Variants in PSMA8 observed in about 807,000 individuals in gnomAD.
PSMA8 encodes proteasome 20S subunit alpha 8.
PSMA8 carries 18 observed loss-of-function variants against 32.4 expected under a neutral mutation model. The ratio of observed to expected loss-of-function variants is 0.56; its 90% CI spans 0.38 to 0.82. The LOEUF is 0.82. Ranked by LOEUF, PSMA8 falls within the 40% of genes least tolerant of loss-of-function variation. The pLI is 0.00. For synonymous variants in PSMA8, 104 were observed against 98.1 expected, an observed-to-expected ratio of 1.06 and a Z score of -0.36; for missense variants, 298 against 300.7, an observed-to-expected ratio of 0.99 and a Z score of 0.07.
At chr18:26,166,075 C>G (rs567290163) in intron 4 of PSMA8, among the ~76,000 whole-genome samples, 2 of 152,100 alleles carry the variant, frequency 1.3e-5, no homozygotes, top group Admixed American at 1.3e-4. Flanking sequence ...GCATTCCAGC[C>G]TGGGCAACAG....
intron 2 of PSMA8, among the ~76,000 whole-genome samples, chr18:26,151,085 T>C (rs1338039133): frequency 6.6e-6 from 1 of 152,210 alleles, no homozygotes; most frequent in Non-Finnish European, 1.5e-5. Flanking sequence ...ATATTCATAT[T>C]AACTATCTTC....
chr18:26,143,678 T>G (rs1023027162), intron 1 of PSMA8, among the ~76,000 whole-genome samples: 1 of 152,176 alleles, frequency 6.6e-6, no homozygotes, highest in Non-Finnish European at 1.5e-5. Context: ...CCACTATGAC[T>G]GCTGTCACTC....
intron 1 of PSMA8, among the ~76,000 whole-genome samples, chr18:26,138,217 A>G (rs2054927954): frequency 6.6e-6 from 1 of 152,188 alleles, no homozygotes; most frequent in South Asian, 2.1e-4. Flanking sequence ...CCAACAACAG[A>G]GATACTCACA....
chr18:26,191,394 T>G (rs980348582), intron 6 of PSMA8, among the ~76,000 whole-genome samples: 45 of 152,130 alleles, frequency 3.0e-4, no homozygotes, highest in African/African-American at 1.1e-3. Flanking sequence ...TTTGGGAGGC[T>G]GAGGCGGGCA....
At chr18:26,190,409 T>C (rs910556505) in intron 6 of PSMA8, among the ~76,000 whole-genome samples, 6 of 152,116 alleles carry the variant, frequency 3.9e-5, no homozygotes, top group African/African-American at 7.2e-5. Flanking sequence ...CCCCATAATA[T>C]ATATACCTAC....
chr18:26,148,753 T>C (rs1224258804), intron 2 of PSMA8, among the ~76,000 whole-genome samples: 2 of 152,210 alleles, frequency 1.3e-5, no homozygotes, highest in Non-Finnish European at 2.9e-5. Flanking sequence ...TGATCTTATA[T>C]AGAATACTAA....
intron 4 of PSMA8, among the ~76,000 whole-genome samples, chr18:26,171,540 C>G (rs1336945576): frequency 6.6e-6 from 1 of 152,158 alleles, no homozygotes; most frequent in Non-Finnish European, 1.5e-5. Flanking sequence ...TTGAGACCAG[C>G]CTGGCCAACA....
At position 26,144,549 on chromosome 18, in the gene PSMA8, G is replaced by T; in HGVS notation, c.103-10G>T. ...CATCTGAATATATATGTATTTTAAT[G>T]ACTTGACAGGTCGGAATTCGAGGTA... On this transcript the variant is annotated splice_polypyrimidine_tract_variant and intron_variant, in intron 1 of 6. Transcript: ENST00000415576. 2 of 1,608,430 alleles carry T rather than the reference G, an allele frequency of 1.2e-6. No individual in the cohort carries two copies. The highest frequency in any genetic ancestry group is 2.2e-5 in the South Asian group (2 of 90,698).
chr18:26,134,862 G>A (rs1422558362), intron 1 of PSMA8, among the ~76,000 whole-genome samples: 2 of 151,858 alleles, frequency 1.3e-5, no homozygotes, highest in East Asian at 1.9e-4. Context: ...GCTGAGGCGG[G>A]AGAATCGCTT....
chr18:26,152,320 T>TTGTTTA (rs1433720970), intron 3 of PSMA8, among the ~76,000 whole-genome samples: 4 of 152,070 alleles, frequency 2.6e-5, no homozygotes, highest in African/African-American at 4.8e-5. Context: ...TTTTTTGTTT[T>TTGTTTA]TGTTTTTGTT....
chr18:26,158,087 TAG>T, intron 3 of PSMA8, 33 bp from the exon 4 acceptor site: 1 of 1,429,004 alleles, frequency 7.0e-7, no homozygotes, highest in Non-Finnish European at 9.7e-7. Context: ...TTGTAACTAA[TAG>T]TTTTATTCTA....
chr18:26,168,221 T>G (rs1166699908), intron 4 of PSMA8, among the ~76,000 whole-genome samples: 1 of 126,002 alleles, frequency 7.9e-6, no homozygotes, highest in Non-Finnish European at 1.5e-5. Context: ...TTCTGTTTTT[T>G]TCCTCACATA....
At chr18:26,153,660 G>A (rs572422366) in intron 3 of PSMA8, among the ~76,000 whole-genome samples, 7 of 152,230 alleles carry the variant, frequency 4.6e-5, no homozygotes, top group Non-Finnish European at 1.0e-4. Context: ...GTACTCAAGT[G>A]GTTAAGAGTG....
chr18:26,190,903 A>C (rs997805794), intron 6 of PSMA8, among the ~76,000 whole-genome samples: 1 of 152,226 alleles, frequency 6.6e-6, no homozygotes, highest in Admixed American at 6.5e-5. Context: ...AATAGCAGGT[A>C]AGAATTATAT....
At chr18:26,174,010 C>A (rs1478036505) in intron 4 of PSMA8, among the ~76,000 whole-genome samples, 1 of 151,742 alleles carries the variant, frequency 6.6e-6, no homozygotes, top group Non-Finnish European at 1.5e-5. Context: ...TCCCTTTGAA[C>A]TTTTGAAGCA....
At chr18:26,153,556 A>G (rs1173562248) in intron 3 of PSMA8, among the ~76,000 whole-genome samples, 1 of 152,056 alleles carries the variant, frequency 6.6e-6, no homozygotes, top group African/African-American at 2.4e-5. Context: ...AGTTGTTTTA[A>G]TTTGTGTCTT....
Position 26,151,854 on chromosome 18 carries a change from A to T in PSMA8, c.230-4A>T, listed in dbSNP as rs372177106. On this transcript the variant is annotated splice_region_variant and splice_polypyrimidine_tract_variant and intron_variant, in intron 2 of 6. Transcript: ENST00000415576. ...TTTTTGTGAAGTTTTGACAATTTTTATAGGACTTACTGCTGATGCTAGAGT... is the reference window on the plus strand; with the variant it reads ...TTTTTGTGAAGTTTTGACAATTTTTTTAGGACTTACTGCTGATGCTAGAGT... The T allele has an allele frequency of 1.3e-6, 2 of 1,583,752 alleles. No homozygotes were observed. The highest frequency in any genetic ancestry group is 2.4e-5 in the South Asian group (2 of 84,658).
intron 2 of PSMA8, among the ~76,000 whole-genome samples, chr18:26,147,210 C>CAAAAA (rs57358976): frequency 6.2e-5 from 3 of 48,284 alleles, no homozygotes; most frequent in African/African-American, 2.1e-4. Context: ...CACCCTGTCT[C>CAAAAA]AAAAAAAAAA....
At chr18:26,173,644 C>T (rs1487730914) in intron 4 of PSMA8, among the ~76,000 whole-genome samples, 1 of 151,832 alleles carries the variant, frequency 6.6e-6, no homozygotes, top group Non-Finnish European at 1.5e-5. Flanking sequence ...GCAACCTCCA[C>T]CCCCCAGGTT....
Sources: gnomAD v4.1 joint callset for allele counts (sites outside exome capture counted in the v4.1 genomes callset) on GRCh38, gnomAD v4.1.1 for gene constraint, MANE v1.5 for transcripts, NCBI Gene and HGNC (gene_info 2026-07-23, HGNC 2026-07-21) for gene names.